LINC00237: variants seen among roughly 807,000 people sequenced by gnomAD.
LINC00237 encodes long independently transcribed non-coding RNA 237.
At chr20:21,088,729 C>T (rs2030747558) in intron 2 of LINC00237, among the ~76,000 whole-genome samples, 1 of 152,110 alleles carries the variant, frequency 6.6e-6, no homozygotes, top group South Asian at 2.1e-4. Flanking sequence ...GTTGTATTTG[C>T]TATTGACCTT....
At chr20:21,098,942 TG>T (rs2030894659) in intron 1 of LINC00237, among the ~76,000 whole-genome samples, 1 of 152,254 alleles carries the variant, frequency 6.6e-6, no homozygotes, top group African/African-American at 2.4e-5. Flanking sequence ...GGTTCTGCTC[TG>T]GGTAACAGAA....
At chr20:21,102,664 G>A (rs1348539486) in intron 1 of LINC00237, among the ~76,000 whole-genome samples, 1 of 148,904 alleles carries the variant, frequency 6.7e-6, no homozygotes, top group South Asian at 2.1e-4. Context: ...ACAGAAGAAC[G>A]GAGAACCAAG....
At chr20:21,097,167 C>T (rs1410209177) in intron 1 of LINC00237, among the ~76,000 whole-genome samples, 1 of 152,172 alleles carries the variant, frequency 6.6e-6, no homozygotes, top group Non-Finnish European at 1.5e-5. Context: ...GCCGACAAAG[C>T]TGTTTCTTTT....
intron 1 of LINC00237, among the ~76,000 whole-genome samples, chr20:21,094,252 C>T (rs1354477757): frequency 6.6e-6 from 1 of 152,220 alleles, no homozygotes; most frequent in Non-Finnish European, 1.5e-5. Flanking sequence ...GCTGGTCACT[C>T]TCTCCACCCA....
intron 1 of LINC00237, among the ~76,000 whole-genome samples, chr20:21,102,469 A>G (rs933811756): frequency 1.3e-5 from 2 of 152,214 alleles, no homozygotes; most frequent in African/African-American, 4.8e-5. Flanking sequence ...TCCAGGTCAC[A>G]GGACCCACTA....
At chr20:21,092,658 T>A (rs2122172211) in intron 2 of LINC00237, among the ~76,000 whole-genome samples, 1 of 152,262 alleles carries the variant, frequency 6.6e-6, no homozygotes, top group East Asian at 1.9e-4. Flanking sequence ...ATGGCCAGTC[T>A]TCCTAGATCC....
intron 2 of LINC00237, chr20:21,090,398 A>G (rs1385408941): frequency 6.6e-6 from 1 of 152,198 alleles, no homozygotes; most frequent in Non-Finnish European, 1.5e-5. Flanking sequence ...CTTCTCTAGA[A>G]ATGACATGCA....
intron 1 of LINC00237, chr20:21,093,920 T>G (rs1055351250): frequency 3.9e-5 from 6 of 152,382 alleles, no homozygotes; most frequent in Admixed American, 3.9e-4. Context: ...GATTCAAATG[T>G]ATACCCTATC....
intron 1 of LINC00237, among the ~76,000 whole-genome samples, chr20:21,094,037 T>G (rs2030824512): frequency 6.6e-6 from 1 of 152,240 alleles, no homozygotes; most frequent in Admixed American, 6.5e-5. Flanking sequence ...GTGTGGTATT[T>G]GGGAAGGGGA....
intron 1 of LINC00237, among the ~76,000 whole-genome samples, chr20:21,096,831 C>T (rs35486636): frequency 0.035 from 5,274 of 152,268 alleles, 118 homozygotes; most frequent in Non-Finnish European, 0.052. Context: ...GTGGCCAAAG[C>T]AAATAGCATA....
intron 1 of LINC00237, among the ~76,000 whole-genome samples, chr20:21,099,078 C>T (rs2030895889): frequency 6.6e-6 from 1 of 152,206 alleles, no homozygotes; most frequent in South Asian, 2.1e-4. Context: ...TGCCTCCTTT[C>T]CAGTTTGGGC....
chr20:21,101,930 G>A lies in LINC00237; in HGVS notation n.88+4341C>T, dbSNP rs1031250938. ...GGCGCGACCGCCTTGGGGCAGGGGC[G>A]GCGATGGAGTAGCTCCGGGCTCTCC... is the stretch of plus-strand genomic sequence containing the variant. On this transcript the variant is annotated intron_variant and non_coding_transcript_variant, in intron 1 of 3. Transcript: ENST00000691244. This position sits in a 1 kb window ranked among gnomAD's most constrained non-coding sequence, Gnocchi z 4.3. 6.6e-6 allele frequency among the ~76,000 whole-genome samples: 1 copy of A among 152,226 alleles called. No individual in the cohort carries two copies. The highest frequency in any genetic ancestry group is 1.5e-5 in the Non-Finnish European group (1 of 68,046).
chr20:21,104,318 G>A (rs2030969701), intron 1 of LINC00237, among the ~76,000 whole-genome samples: 1 of 152,232 alleles, frequency 6.6e-6, no homozygotes, highest in Non-Finnish European at 1.5e-5. Context: ...GGACAAAAGC[G>A]GCATGCGGGA....
At chr20:21,105,150 C>T (rs1032423101) in intron 1 of LINC00237, among the ~76,000 whole-genome samples, 5 of 152,204 alleles carry the variant, frequency 3.3e-5, no homozygotes, top group Admixed American at 6.5e-5. Flanking sequence ...TTCAGCCCAC[C>T]GGGTCCCCTT....
At chr20:21,092,507 A>G (rs2030805809) in intron 2 of LINC00237, among the ~76,000 whole-genome samples, 1 of 152,248 alleles carries the variant, frequency 6.6e-6, no homozygotes, top group South Asian at 2.1e-4. Flanking sequence ...AGCCACATCC[A>G]GGAGCTTCTG....
chr20:21,103,283 G>A (rs2122184975), intron 1 of LINC00237, among the ~76,000 whole-genome samples: 1 of 152,300 alleles, frequency 6.6e-6, no homozygotes, highest in African/African-American at 2.4e-5. Flanking sequence ...GGCTGGGGCT[G>A]TGCATTTTAA....
chr20:21,087,424 T>C (rs2030728575), intron 3 of LINC00237, among the ~76,000 whole-genome samples: 1 of 152,082 alleles, frequency 6.6e-6, no homozygotes, highest in African/African-American at 2.4e-5. Context: ...GAGACCATTG[T>C]CAGACAGGTC....
chr20:21,096,244 G>A (rs745660026), intron 1 of LINC00237, among the ~76,000 whole-genome samples: 23 of 152,240 alleles, frequency 1.5e-4, no homozygotes, highest in African/African-American at 4.1e-4. Context: ...ATTTATTATC[G>A]CCATATAAGC....
chr20:21,087,236 T>C (rs1465485539), intron 3 of LINC00237, among the ~76,000 whole-genome samples: 1 of 152,108 alleles, frequency 6.6e-6, no homozygotes, highest in East Asian at 1.9e-4. Context: ...TTGTTTTCGC[T>C]TAACAGGATC....
Sources: allele counts gnomAD v4.1 joint callset (sites outside exome capture counted in the v4.1 genomes callset), GRCh38; gene constraint gnomAD v4.1.1; non-coding constraint Gnocchi (gnomAD v3.1); transcripts MANE v1.5; gene names NCBI Gene and HGNC (gene_info 2026-07-23, HGNC 2026-07-21).